The following SEMA6A variants were observed in gnomAD, a reference collection of about 807,000 sequenced individuals.
SEMA6A encodes semaphorin 6A.
In SEMA6A, 25 loss-of-function variants were observed where a neutral mutation model predicts 96.8. The ratio of observed to expected loss-of-function variants is 0.26; its 90% CI spans 0.19 to 0.36. The LOEUF is 0.36. Among genes scored for constraint, SEMA6A ranks in the 10% least tolerant of loss-of-function variants. The pLI is 1.00. For synonymous variants in SEMA6A, 612 were observed against 518.0 expected, an observed-to-expected ratio of 1.18 and a Z score of -2.46; for missense variants, 1,363 against 1,323.1, an observed-to-expected ratio of 1.03 and a Z score of -0.47.
Position 116,574,531 on chromosome 5 carries a change from T to A in SEMA6A, c.-385A>T, listed in dbSNP as rs2112933528. ...CTCCAAATCCAAATTCCACTTGGAT[T>A]CCACTTCGGTGAGTCCCCTTGGTGG... On this transcript the variant is annotated 5_prime_UTR_variant, in exon 1 of 19. Transcript: ENST00000343348. 1 of 147,584 alleles carries A rather than the reference T, an allele frequency of 6.8e-6. No individual in the cohort carries two copies. The highest frequency in any genetic ancestry group is 2.0e-4 in the East Asian group (1 of 4,996). 9.1% of individuals were successfully genotyped at this position (147,584 alleles called of 1,614,324 possible).
chr5:116,505,551 CT>C (rs2112777394), intron 1 of SEMA6A, among the ~76,000 whole-genome samples: 1 of 152,096 alleles, frequency 6.6e-6, no homozygotes, highest in Admixed American at 6.6e-5. Flanking sequence ...ATATTCACCC[CT>C]GACTTATGTC....
At chr5:116,521,900 ATG>A (rs1234780111) in intron 1 of SEMA6A, among the ~76,000 whole-genome samples, 8 of 152,228 alleles carry the variant, frequency 5.3e-5, no homozygotes, top group Non-Finnish European at 7.3e-5. Flanking sequence ...TGAAACATAT[ATG>A]TGTAAAATCC....
At chr5:116,522,872 C>T (rs1029400962) in intron 1 of SEMA6A, among the ~76,000 whole-genome samples, 4 of 152,156 alleles carry the variant, frequency 2.6e-5, no homozygotes, top group African/African-American at 9.7e-5. Context: ...CCAAAGGACA[C>T]CTGACATTTT....
intron 18 of SEMA6A, among the ~76,000 whole-genome samples, chr5:116,460,852 C>T (rs1355172020): frequency 6.7e-6 from 1 of 148,384 alleles, no homozygotes; most frequent in Non-Finnish European, 1.5e-5. Context: ...GTGGCACGAT[C>T]TCGGCTGACT....
At chr5:116,467,092 G>C (rs1755803318) in intron 18 of SEMA6A, among the ~76,000 whole-genome samples, 1 of 152,096 alleles carries the variant, frequency 6.6e-6, no homozygotes, top group Non-Finnish European at 1.5e-5. Context: ...TGAGGAACAT[G>C]GCTCTATTCA....
Position 116,447,503 on chromosome 5 carries a change from G to T in SEMA6A, c.2203C>A (p.Pro735Thr), listed in dbSNP as rs1275815242. 3.7e-6 allele frequency: 6 copies of T among 1,613,974 alleles called. No individual in the cohort carries two copies. Among genetic ancestry groups the T allele is most frequent in the Non-Finnish European group, 5.1e-6 (6 of 1,179,922 alleles). Reference sequence around the variant, plus strand: ...ATGAGCATCTTGGCCGTGTTGCCGGGAGTGGCGAGCTTGCCGTTGTGCATG... The same window carrying T: ...ATGAGCATCTTGGCCGTGTTGCCGGTAGTGGCGAGCTTGCCGTTGTGCATG... ...PLMHNGKLAT[P>T]GNTAKMLIKA... The change falls in exon 19 of 19, where the codon CCC becomes ACC. Residue 735 changes from proline (P) to threonine (T), a missense_variant. Transcript: ENST00000343348.
chr5:116,532,592 G>A (rs1759531511), intron 1 of SEMA6A, among the ~76,000 whole-genome samples: 1 of 152,156 alleles, frequency 6.6e-6, no homozygotes, highest in Admixed American at 6.5e-5. Context: ...CTGGGCTTCG[G>A]TGACCCCATC....
At chr5:116,569,516 T>A (rs1761127066) in intron 1 of SEMA6A, among the ~76,000 whole-genome samples, 1 of 150,208 alleles carries the variant, frequency 6.7e-6, no homozygotes, top group African/African-American at 2.4e-5. Context: ...TGGTTTAGTT[T>A]AAAAAAAAAA....
chr5:116,502,170 T>C, intron 3 of SEMA6A, 40 bp downstream of exon 3: 1 of 1,543,020 alleles, frequency 6.5e-7, no homozygotes, highest in Non-Finnish European at 9.0e-7. Context: ...CTTGGGCTTT[T>C]GGACACTCTC....
At chr5:116,562,985 A>G in intron 1 of SEMA6A, 1 of 568,542 alleles carries the variant, frequency 1.8e-6, no homozygotes, top group African/African-American at 1.9e-5. Context: ...ACCCGCAGGA[A>G]GGGGGGTCGC....
At chr5:116,541,163 C>G (rs1759946220) in intron 1 of SEMA6A, among the ~76,000 whole-genome samples, 1 of 152,126 alleles carries the variant, frequency 6.6e-6, no homozygotes, top group Non-Finnish European at 1.5e-5. Flanking sequence ...GTAAACACAA[C>G]AGTTGAATCA....
intron 18 of SEMA6A, among the ~76,000 whole-genome samples, chr5:116,450,756 C>T (rs1422317330): frequency 6.6e-6 from 1 of 152,128 alleles, no homozygotes; most frequent in East Asian, 1.9e-4. Context: ...TTTTGCATGT[C>T]TTCATCTATC....
At position 116,447,796 on chromosome 5, in the gene SEMA6A, C is replaced by T. The variant is rs1327284186; in HGVS notation, c.1910G>A (p.Ser637Asn). 4 of 1,598,476 alleles carry T rather than the reference C, an allele frequency of 2.5e-6. No homozygotes were observed. The highest frequency in any genetic ancestry group is 1.7e-5 in the Admixed American group (1 of 59,334). ...HQDKKGVIRESYLKGHDQLVP... is the reference protein window; with the variant it reads ...HQDKKGVIRENYLKGHDQLVP... ...CAGCTGGTCGTGGCCTTTGAGGTAA[C>T]TTTCCCGAATCACTCCTGCAATAGA... The change falls in exon 19 of 19, where the codon AGT (serine) becomes AAT (asparagine). Residue 637 changes from serine to asparagine, a missense_variant. By Grantham distance (46) the Ser-to-Asn change is conservative (BLOSUM62 1). Coordinates refer to ENST00000343348, the MANE Select transcript of SEMA6A (RefSeq NM_020796.5).
At chr5:116,559,957 G>A (rs1760756629) in intron 1 of SEMA6A, among the ~76,000 whole-genome samples, 1 of 152,198 alleles carries the variant, frequency 6.6e-6, no homozygotes, top group Non-Finnish European at 1.5e-5. Context: ...AGCACCCTGG[G>A]CAGAGCCCTC....
At chr5:116,562,629 G>A in intron 1 of SEMA6A, 1 of 691,844 alleles carries the variant, frequency 1.4e-6, no homozygotes, top group Non-Finnish European at 2.7e-6. Flanking sequence ...GTGGCTGACG[G>A]AGAAAACATA....
chr5:116,500,140 C>T (rs571181032), intron 3 of SEMA6A, among the ~76,000 whole-genome samples: 1 of 152,274 alleles, frequency 6.6e-6, no homozygotes, highest in East Asian at 1.9e-4. Flanking sequence ...AGAGAGGTGA[C>T]TACTGAGCAT....
Position 116,444,580 on chromosome 5 carries a change from T to A in SEMA6A, c.*2033A>T, listed in dbSNP as rs984672124. The A allele has an allele frequency of 6.6e-6, 1 of 152,574 alleles. No homozygotes were observed. Among genetic ancestry groups the A allele is most frequent in the African/African-American group, 2.4e-5 (1 of 41,432 alleles). 9.5% of individuals were successfully genotyped at this position (152,574 alleles called of 1,614,324 possible). ...TTGTTCATGATAGAGTAAACAAAAG[T>A]CCCTTTTGTGTGCTTGAGCAAATGA... is the stretch of plus-strand genomic sequence containing the variant. On this transcript the variant is annotated 3_prime_UTR_variant, in exon 19 of 19. Transcript: ENST00000343348.
intron 18 of SEMA6A, among the ~76,000 whole-genome samples, chr5:116,454,481 A>G (rs1177324561): frequency 6.6e-6 from 1 of 152,170 alleles, no homozygotes; most frequent in Non-Finnish European, 1.5e-5. Context: ...AAATGAATGA[A>G]CTAATCACTA....
Position 116,446,675 on chromosome 5 carries a change from G to T in SEMA6A, c.3031C>A (p.Pro1011Thr). ...AGGGGAGCAAAGGATGGTTTGGGGGGTACGTCCGGCTTTAGCGAGGGCGTA... is the reference window on the plus strand; with the variant it reads ...AGGGGAGCAAAGGATGGTTTGGGGGTTACGTCCGGCTTTAGCGAGGGCGTA... The part of the protein sequence containing the change: ...KRTPSLKPDV[P>T]PKPSFAPLST... Residue 1011 changes from proline (P) to threonine (T), a missense_variant, in exon 19 of 19, where the codon CCC becomes ACC. Around this residue, in one of 2 missense-constraint regions of SEMA6A, gnomAD observed 883 missense variants for 763.6 expected, o/e 1.16. Coordinates refer to ENST00000343348, the MANE Select transcript of SEMA6A (RefSeq NM_020796.5). 6.4e-7 allele frequency: 1 copy of T among 1,558,228 alleles called. No homozygotes were observed. The highest frequency in any genetic ancestry group is 8.7e-7 in the Non-Finnish European group (1 of 1,150,610).
Sources: allele counts gnomAD v4.1 joint callset (sites outside exome capture counted in the v4.1 genomes callset), GRCh38; gene constraint gnomAD v4.1.1; regional missense constraint gnomAD v4.1.1; transcripts MANE v1.5; gene names NCBI Gene and HGNC (gene_info 2026-07-23, HGNC 2026-07-21).